The following PRSS23 variants were observed in gnomAD, a reference collection of about 807,000 sequenced individuals.
The protein encoded by PRSS23 is serine protease 23.
Under a neutral mutation model 34.7 loss-of-function variants are expected in PRSS23, and 25 were observed. The ratio of observed to expected loss-of-function variants is 0.72; its 90% CI spans 0.53 to 1.01. PRSS23 has a LOEUF of 1.01. Among genes scored for constraint, PRSS23 ranks in the 50% least tolerant of loss-of-function variants. The pLI is 0.00. For synonymous variants in PRSS23, 176 were observed against 186.6 expected, an observed-to-expected ratio of 0.94 and a Z score of 0.46; for missense variants, 445 against 475.6, an observed-to-expected ratio of 0.94 and a Z score of 0.60.
chr11:86,921,771 G>A (rs1314037471), intron 2 of PRSS23: 2 of 152,216 alleles, frequency 1.3e-5, no homozygotes, highest in African/African-American at 2.4e-5. Context: ...AGCAGGCCCT[G>A]TTACAGCTTA....
chr11:86,926,867 C>T (rs1054292025), intron 2 of PRSS23, among the ~76,000 whole-genome samples: 1 of 152,200 alleles, frequency 6.6e-6, no homozygotes, highest in Non-Finnish European at 1.5e-5. Flanking sequence ...CATTGCCACA[C>T]TAAACTATGT....
chr11:86,815,329 T>G (rs1299026904), downstream of PRSS23, among the ~76,000 whole-genome samples: 1 of 152,232 alleles, frequency 6.6e-6, no homozygotes, highest in Non-Finnish European at 1.5e-5. Flanking sequence ...ATTTATGTAT[T>G]TGTCCTCTGC....
chr11:86,905,807 C>A (rs1948937945), intron 2 of PRSS23, among the ~76,000 whole-genome samples: 1 of 152,184 alleles, frequency 6.6e-6, no homozygotes, highest in Non-Finnish European at 1.5e-5. Flanking sequence ...GGGGTTTCTG[C>A]TCACTATGCA....
intron 2 of PRSS23, among the ~76,000 whole-genome samples, chr11:86,877,079 A>G (rs143485021): frequency 1.3e-5 from 2 of 152,322 alleles, no homozygotes; most frequent in Non-Finnish European, 2.9e-5. Context: ...GGCAACTGCA[A>G]TCAAATCAAG....
At chr11:86,859,925 C>T (rs958524900) in intron 2 of PRSS23, among the ~76,000 whole-genome samples, 2 of 151,882 alleles carry the variant, frequency 1.3e-5, no homozygotes, top group Non-Finnish European at 2.9e-5. Flanking sequence ...TACACACCCC[C>T]GTGATATTGT....
intron 2 of PRSS23, among the ~76,000 whole-genome samples, chr11:86,888,930 A>C (rs1948823103): frequency 6.6e-6 from 1 of 152,218 alleles, no homozygotes; most frequent in Non-Finnish European, 1.5e-5. Context: ...GGGTGAAGTA[A>C]TGTCTTTTTG....
chr11:86,877,989 A>G (rs1250073430), intron 2 of PRSS23, among the ~76,000 whole-genome samples: 4 of 151,896 alleles, frequency 2.6e-5, no homozygotes, highest in African/African-American at 9.7e-5. Context: ...TGAACACAGG[A>G]TGTCTTTCCA....
chr11:86,945,445 G>A (rs1466922599), intron 2 of PRSS23, among the ~76,000 whole-genome samples: 2 of 152,062 alleles, frequency 1.3e-5, no homozygotes, highest in African/African-American at 4.8e-5. Context: ...ACCTACTTGA[G>A]TGTTACTGAT....
chr11:86,848,116 A>G (rs1009441399), intron 2 of PRSS23, among the ~76,000 whole-genome samples: 29 of 152,200 alleles, frequency 1.9e-4, no homozygotes, highest in Admixed American at 1.7e-3. Context: ...CCCCCTTCTC[A>G]CTCTCAAATT....
intron 2 of PRSS23, among the ~76,000 whole-genome samples, chr11:86,916,136 A>G (rs971772950): frequency 6.6e-6 from 1 of 152,232 alleles, no homozygotes; most frequent in Admixed American, 6.5e-5. Flanking sequence ...ACCAGAATAA[A>G]TAATGCATAC....
At chr11:86,832,786 G>A in intron 2 of PRSS23, 1 of 293,504 alleles carries the variant, frequency 3.4e-6, no homozygotes, top group South Asian at 3.4e-5. Flanking sequence ...TCAGCATGGA[G>A]GAAACAATTT....
At chr11:86,893,478 C>T (rs1948854716) in intron 2 of PRSS23, among the ~76,000 whole-genome samples, 1 of 152,122 alleles carries the variant, frequency 6.6e-6, no homozygotes, top group Non-Finnish European at 1.5e-5. Context: ...TTGGGAGAAA[C>T]ATTGTTCTGC....
chr11:86,823,708 A>G (rs1042340936), intron 2 of PRSS23: 1 of 656,620 alleles, frequency 1.5e-6, no homozygotes, highest in Non-Finnish European at 2.8e-6. Context: ...CATTGGTTTC[A>G]TCAAGAATTC....
At chr11:86,944,703 G>A (rs1209323325) in intron 2 of PRSS23, among the ~76,000 whole-genome samples, 1 of 152,198 alleles carries the variant, frequency 6.6e-6, no homozygotes, top group Admixed American at 6.5e-5. Context: ...ATTCCAGATT[G>A]TGTTGACTTT....
At chr11:86,864,196 C>T (rs1186156489) in intron 2 of PRSS23, among the ~76,000 whole-genome samples, 1 of 151,816 alleles carries the variant, frequency 6.6e-6, no homozygotes, top group Non-Finnish European at 1.5e-5. Flanking sequence ...ACTGTATAGC[C>T]CATGATGGTG....
intron 2 of PRSS23, among the ~76,000 whole-genome samples, chr11:86,902,365 G>A (rs1036231107): frequency 6.6e-6 from 1 of 152,104 alleles, no homozygotes; most frequent in Non-Finnish European, 1.5e-5. Flanking sequence ...CTAGGCATTG[G>A]TACTTAATTT....
intron 2 of PRSS23, among the ~76,000 whole-genome samples, chr11:86,836,504 G>A (rs776406903): frequency 1.3e-5 from 2 of 152,184 alleles, no homozygotes; most frequent in Non-Finnish European, 2.9e-5. Flanking sequence ...GTGTGTAATA[G>A]CCCCTGCTTT....
intron 2 of PRSS23, among the ~76,000 whole-genome samples, chr11:86,905,215 T>A (rs1948934588): frequency 6.6e-6 from 1 of 152,222 alleles, no homozygotes; most frequent in African/African-American, 2.4e-5. Flanking sequence ...AGGCCTTCCT[T>A]CTCTTTGTAC....
At chr11:86,949,396 A>G (rs1389430099) in intron 2 of PRSS23, 1 of 151,726 alleles carries the variant, frequency 6.6e-6, no homozygotes. Context: ...TTTTTCCACA[A>G]AGTGTGATTG....
Sources: allele counts gnomAD v4.1 joint callset (sites outside exome capture counted in the v4.1 genomes callset), GRCh38; gene constraint gnomAD v4.1.1; transcripts MANE v1.5; gene names NCBI Gene and HGNC (gene_info 2026-07-23, HGNC 2026-07-21).